TRPC6: variants seen among roughly 807,000 people sequenced by gnomAD.
The protein encoded by TRPC6 is short transient receptor potential channel 6.
Under a neutral mutation model 90.7 loss-of-function variants are expected in TRPC6, and 55 were observed. The ratio of observed to expected loss-of-function variants is 0.61; its 90% CI spans 0.49 to 0.76. The LOEUF (loss-of-function observed/expected upper bound fraction) is 0.76. Ranked by LOEUF, TRPC6 falls within the 30% of genes least tolerant of loss-of-function variation. TRPC6 has a pLI of 0.00. For synonymous variants in TRPC6, 393 were observed against 393.0 expected (o/e 1.00, Z 0.00); for missense variants, 989 against 1,122.7 (o/e 0.88, Z 1.70).
intron 1 of TRPC6, among the ~76,000 whole-genome samples, chr11:101,538,830 A>C (rs1280199442): frequency 6.6e-6 from 1 of 152,210 alleles, no homozygotes; most frequent in Non-Finnish European, 1.5e-5. Context: ...GAAGCTAAGA[A>C]TGATCCCCAG....
intron 1 of TRPC6, among the ~76,000 whole-genome samples, chr11:101,554,418 A>G (rs878920577): frequency 1.3e-4 from 19 of 151,968 alleles, no homozygotes; most frequent in Admixed American, 9.9e-4. Flanking sequence ...TAAAAAAAAA[A>G]AATTAACCTG....
At chr11:101,472,026 G>C (rs1429079622) in intron 8 of TRPC6, 111 bp downstream of exon 8, 7 of 1,124,866 alleles carry the variant, frequency 6.2e-6, no homozygotes, top group Non-Finnish European at 9.3e-6. Context: ...ATAAAACAGG[G>C]AATGAACAAA....
chr11:101,573,391 A>G (rs961795380), intron 1 of TRPC6, among the ~76,000 whole-genome samples: 6 of 152,198 alleles, frequency 3.9e-5, no homozygotes, highest in Non-Finnish European at 5.9e-5. Context: ...CTTAAGAACC[A>G]TTAATTCTTT....
At chr11:101,552,189 T>G (rs1861465457) in intron 1 of TRPC6, among the ~76,000 whole-genome samples, 1 of 152,102 alleles carries the variant, frequency 6.6e-6, no homozygotes, top group Non-Finnish European at 1.5e-5. Flanking sequence ...CTTAGAAACT[T>G]AGTTTTCTTT....
In TRPC6 at chr11:101,452,836, A is replaced by AAGTT; in HGVS notation, c.*115_*118dup. 1 of 1,233,312 alleles carries AAGTT rather than the reference A, an allele frequency of 8.1e-7. No individual in the cohort carries two copies. The highest frequency in any genetic ancestry group is 2.3e-5 in the East Asian group (1 of 42,800). The allele number at this position is 1,233,312 out of a possible 1,614,324, so 76.4% of individuals were successfully genotyped here. On this transcript the variant is annotated 3_prime_UTR_variant, in exon 13 of 13. Coordinates refer to ENST00000344327, the MANE Select transcript of TRPC6 (RefSeq NM_004621.6). ...AGGGCTCCAGATGATAGGATGGCCC[A>AAGTT]AGTTATTTAACGTTTTCTTGTTTAA...
At chr11:101,501,110 T>C (rs540205379) in intron 2 of TRPC6, among the ~76,000 whole-genome samples, 2 of 152,064 alleles carry the variant, frequency 1.3e-5, no homozygotes, top group African/African-American at 4.8e-5. Context: ...CATACATACA[T>C]ACATACATAC....
In TRPC6 at chr11:101,491,276, T is replaced by C. The variant is rs1259163885; in HGVS notation, c.1128+280A>G. ...GGTGAAACCCCGTCTCTACTAAAAA[T>C]ACAAAAAATTAGCCGGGCGTGGTGG... On this transcript the variant is annotated intron_variant, in intron 3 of 12. Coordinates refer to ENST00000344327, the MANE Select transcript of TRPC6 (RefSeq NM_004621.6). 4 of 340,380 alleles carry C rather than the reference T, an allele frequency of 1.2e-5. No homozygotes were observed. The East Asian group carries it at 2.2e-4, about 19-fold the overall frequency. The allele number at this position is 340,380 out of a possible 1,614,324, so 21.1% of individuals were successfully genotyped here.
intron 9 of TRPC6, among the ~76,000 whole-genome samples, chr11:101,470,730 C>G (rs11224776): frequency 6.6e-6 from 1 of 151,708 alleles, no homozygotes; most frequent in Non-Finnish European, 1.5e-5. Context: ...CAAGCCTGGT[C>G]TCCCAAATTC....
intron 1 of TRPC6, among the ~76,000 whole-genome samples, chr11:101,557,150 T>C (rs1024165181): frequency 6.7e-6 from 1 of 150,292 alleles, no homozygotes; most frequent in African/African-American, 2.5e-5. Context: ...AGGCCAGGAG[T>C]TTGAGACAAG....
intron 2 of TRPC6, among the ~76,000 whole-genome samples, chr11:101,493,472 T>C (rs1397841421): frequency 6.6e-6 from 1 of 152,194 alleles, no homozygotes; most frequent in Non-Finnish European, 1.5e-5. Flanking sequence ...TCCAAAATCA[T>C]GCAGCTAGTA....
Position 101,452,241 on chromosome 11 carries a change from A to AAATT in TRPC6, c.*713_*714insAATT, listed in dbSNP as rs915374621. On this transcript the variant is annotated 3_prime_UTR_variant, in exon 13 of 13. Coordinates refer to ENST00000344327, the MANE Select transcript of TRPC6 (RefSeq NM_004621.6). ...GCTTTTGTGTGTCCACATTAGCCAC[A>AAATT]AACTAGGGCAAGTACTTTATGTCTG... 4 of 1,516 alleles carry AAATT rather than the reference A, an allele frequency of 2.6e-3. No individual in the cohort carries two copies. The highest frequency in any genetic ancestry group is 4.5e-3 in the African/African-American group (4 of 880). 0.1% of individuals were successfully genotyped at this position (1,516 alleles called of 1,614,324 possible).
chr11:101,553,237 T>C (rs945735444), intron 1 of TRPC6, among the ~76,000 whole-genome samples: 1 of 152,126 alleles, frequency 6.6e-6, no homozygotes, highest in Non-Finnish European at 1.5e-5. Context: ...ACACTGAAGT[T>C]GACTGCAGAA....
At chr11:101,505,745 T>C (rs6590871) in intron 1 of TRPC6, among the ~76,000 whole-genome samples, 30,969 of 152,042 alleles carry the variant, frequency 0.2, 3,418 homozygotes, top group African/African-American at 0.28. Context: ...CCGGGTGCTA[T>C]GGCTCACGCC....
intron 1 of TRPC6, among the ~76,000 whole-genome samples, chr11:101,571,191 T>C (rs1861955919): frequency 6.6e-6 from 1 of 152,174 alleles, no homozygotes; most frequent in South Asian, 2.1e-4. Flanking sequence ...ACAAAGTCAA[T>C]GTGCAAAAAT....
intron 2 of TRPC6, among the ~76,000 whole-genome samples, chr11:101,492,363 C>T (rs939590024): frequency 1.3e-5 from 2 of 152,086 alleles, no homozygotes; most frequent in Non-Finnish European, 2.9e-5. Context: ...GTTGGCAGAT[C>T]GCTTGAGCCC....
chr11:101,453,533 T>A, intron 12 of TRPC6, 117 bp downstream of exon 12: 1 of 1,019,148 alleles, frequency 9.8e-7, no homozygotes, highest in Non-Finnish European at 1.5e-6. Flanking sequence ...CCTGTTCTAC[T>A]TTTCCCCTTG....
intron 10 of TRPC6, among the ~76,000 whole-genome samples, chr11:101,468,725 G>A (rs1430839007): frequency 6.6e-6 from 1 of 152,088 alleles, no homozygotes; most frequent in Non-Finnish European, 1.5e-5. Context: ...ATAAATCTGG[G>A]GAGTTAAATG....
intron 1 of TRPC6, among the ~76,000 whole-genome samples, chr11:101,556,301 C>T (rs192444744): frequency 1.1e-3 from 158 of 150,016 alleles, no homozygotes; most frequent in African/African-American, 3.6e-3. Flanking sequence ...AAGAAAAAAT[C>T]AACAAACCTT....
intron 8 of TRPC6, 73 bp from the exon 9 acceptor site, chr11:101,471,459 T>C (rs1859291011): frequency 3.3e-6 from 5 of 1,515,186 alleles, no homozygotes; most frequent in Non-Finnish European, 4.6e-6. Flanking sequence ...TAACATTGTG[T>C]AGCTAGATGG....
Sources: allele counts gnomAD v4.1 joint callset (sites outside exome capture counted in the v4.1 genomes callset), GRCh38; gene constraint gnomAD v4.1.1; transcripts MANE v1.5; gene names NCBI Gene and HGNC (gene_info 2026-07-23, HGNC 2026-07-21).